The following RGS3 variants were observed in gnomAD, a reference collection of about 807,000 sequenced individuals.
The protein encoded by RGS3 is regulator of G protein signaling 3.
RGS3 carries 80 observed loss-of-function variants against 132.6 expected under a neutral mutation model. The ratio of observed to expected loss-of-function variants is 0.60; its 90% CI spans 0.50 to 0.73. The LOEUF is 0.73. Among genes scored for constraint, RGS3 ranks in the 30% least tolerant of loss-of-function variants. The probability of loss-of-function intolerance (pLI) is 0.00; values close to 1 mark genes in which losing one functional copy is unlikely to be tolerated. For missense variants in RGS3, 1,382 were observed against 1,530.8 expected, an observed-to-expected ratio of 0.90 and a Z score of 1.62; for synonymous variants, 598 against 620.6, an observed-to-expected ratio of 0.96 and a Z score of 0.54.
chr9:113,576,553 A>G (rs575918239), intron 19 of RGS3, among the ~76,000 whole-genome samples: 33 of 152,174 alleles, frequency 2.2e-4, no homozygotes, highest in Non-Finnish European at 4.4e-4. Context: ...TATGGTCTCG[A>G]TCTCCTGACC....
intron 19 of RGS3, among the ~76,000 whole-genome samples, chr9:113,557,265 T>A (rs746774083): frequency 2.0e-5 from 3 of 152,238 alleles, no homozygotes; most frequent in Admixed American, 6.5e-5. Context: ...TCTTCATTTC[T>A]TGGTTCTATT....
intron 14 of RGS3, among the ~76,000 whole-genome samples, 162 bp from the exon 13 acceptor site, chr9:113,514,296 G>A (rs1831542333): frequency 6.6e-6 from 1 of 152,176 alleles, no homozygotes; most frequent in Admixed American, 6.5e-5. Context: ...GAGCCCATGT[G>A]AAGCCTCCCT....
At chr9:113,556,134 T>C (rs954987021) in intron 19 of RGS3, among the ~76,000 whole-genome samples, 3 of 152,186 alleles carry the variant, frequency 2.0e-5, no homozygotes, top group Non-Finnish European at 4.4e-5. Flanking sequence ...ATTTAGTGTT[T>C]TAAGAGCAGT....
intron 3 of RGS3, among the ~76,000 whole-genome samples, chr9:113,468,072 C>T (rs1345187142): frequency 6.6e-6 from 1 of 152,180 alleles, no homozygotes; most frequent in Non-Finnish European, 1.5e-5. Flanking sequence ...TTTACTTTAT[C>T]TTTTGTTACT....
intron 19 of RGS3, among the ~76,000 whole-genome samples, chr9:113,543,801 A>G (rs1258537506): frequency 6.6e-6 from 1 of 152,186 alleles, no homozygotes; most frequent in African/African-American, 2.4e-5. Flanking sequence ...TGTCCTGACA[A>G]GCTGCTGAGT....
chr9:113,567,315 T>C (rs1039467746), intron 19 of RGS3, among the ~76,000 whole-genome samples: 3 of 151,390 alleles, frequency 2.0e-5, no homozygotes, highest in Admixed American at 2.0e-4. Context: ...GTCTGTCCAT[T>C]GGTGGTGGCA....
intron 19 of RGS3, among the ~76,000 whole-genome samples, chr9:113,563,318 G>A (rs1833867315): frequency 6.6e-6 from 1 of 152,144 alleles, no homozygotes; most frequent in Non-Finnish European, 1.5e-5. Flanking sequence ...TTGGTTCTCT[G>A]CCAATCCCCA....
chr9:113,505,903 T>C (rs539034603), intron 11 of RGS3, among the ~76,000 whole-genome samples: 2 of 152,312 alleles, frequency 1.3e-5, no homozygotes, highest in African/African-American at 4.8e-5. Context: ...CCTTCCCTAC[T>C]TTTCACAAAT....
chr9:113,466,269 G>C (rs1313704329), intron 3 of RGS3, among the ~76,000 whole-genome samples: 1 of 152,218 alleles, frequency 6.6e-6, no homozygotes, highest in Non-Finnish European at 1.5e-5. Context: ...TAGCAAAGTA[G>C]GTAGCCCCTG....
chr9:113,455,283 T>C (rs549136370), upstream of RGS3, among the ~76,000 whole-genome samples: 147 of 152,356 alleles, frequency 9.6e-4, no homozygotes, highest in Middle Eastern at 3.4e-3. Context: ...GTTCCTGTTA[T>C]TCCATCTTGG....
chr9:113,463,659 GCCGGGCGCGCCCTGGCCGTTC>G lies in RGS3; in HGVS notation c.415+1460_415+1480del. On this transcript the variant is annotated intron_variant, in intron 3 of 24. Coordinates refer to ENST00000350696, the Ensembl canonical transcript of RGS3. This position sits in a 1 kb window ranked among gnomAD's most constrained non-coding sequence, Gnocchi z 4.6. ...TTCAAACCCGCGCGGGCCAATCAGGGCCGGGCGCGCCCTGGCCGTTCCAACGCTTGGGGCAGCCCTACCTCC... is the reference window on the plus strand; with the variant it reads ...TTCAAACCCGCGCGGGCCAATCAGGGCAACGCTTGGGGCAGCCCTACCTCC... 7.2e-7 allele frequency: 1 copy of G among 1,385,806 alleles called. No homozygotes were observed. 85.8% of individuals were successfully genotyped at this position (1,385,806 alleles called of 1,614,324 possible).
intron 7 of RGS3, among the ~76,000 whole-genome samples, chr9:113,491,499 C>A (rs1830522014): frequency 6.6e-6 from 1 of 151,870 alleles, no homozygotes; most frequent in South Asian, 2.1e-4. Context: ...GATCCACCCG[C>A]CTTGGCCTCC....
intron 17 of RGS3, among the ~76,000 whole-genome samples, chr9:113,528,386 C>T (rs1190725397): frequency 6.6e-6 from 1 of 152,190 alleles, no homozygotes; most frequent in Non-Finnish European, 1.5e-5. Context: ...CTTCTCTGCA[C>T]TTGCTCTTCC....
At chr9:113,474,173 G>A (rs576669357) in intron 3 of RGS3, among the ~76,000 whole-genome samples, 46 of 152,244 alleles carry the variant, frequency 3.0e-4, no homozygotes, top group Admixed American at 2.3e-3. Context: ...TTTCTGTAAG[G>A]AAAAAGAGCT....
intron 1 of RGS3, among the ~76,000 whole-genome samples, chr9:113,447,086 C>G (rs1186423248): frequency 6.6e-6 from 1 of 150,978 alleles, no homozygotes; most frequent in Non-Finnish European, 1.5e-5. Flanking sequence ...ACAGTGAAAC[C>G]CTGTCTCTAC....
chr9:113,594,784 T>G, intron 22 of RGS3, 135 bp from the exon 21 acceptor site: 1 of 838,064 alleles, frequency 1.2e-6, no homozygotes, highest in East Asian at 2.6e-5. Context: ...AGGGTGGGCC[T>G]CCTTCCTGGG....
At position 113,567,246 on chromosome 9, in the gene RGS3, C is replaced by A. The variant is rs1333239114; in HGVS notation, c.2038-16204C>A. On this transcript the variant is annotated intron_variant, in intron 19 of 24. Coordinates refer to ENST00000350696, the Ensembl canonical transcript of RGS3. ...TCCCCTCCCCTCCCCTCCCCTCCCC[C>A]TCCATGTCTTATTTTATCCAAACTT... Among the ~76,000 whole-genome samples the A allele has an allele frequency of 5.9e-5, 9 of 152,060 alleles. No individual in the cohort carries two copies. The East Asian group carries it at 1.7e-3, about 29-fold the overall frequency.
intron 19 of RGS3, among the ~76,000 whole-genome samples, chr9:113,572,494 C>T (rs1298616310): frequency 1.3e-5 from 2 of 152,054 alleles, no homozygotes; most frequent in African/African-American, 2.4e-5. Context: ...CTCCAGTGTC[C>T]TCGAGTGAAA....
At chr9:113,540,861 TG>T (rs1301167985) in intron 19 of RGS3, among the ~76,000 whole-genome samples, 2 of 152,214 alleles carry the variant, frequency 1.3e-5, no homozygotes, top group Non-Finnish European at 2.9e-5. Context: ...GTAAAGTGGA[TG>T]GATTAAGAGG....
Sources: gnomAD v4.1 joint callset for allele counts (sites outside exome capture counted in the v4.1 genomes callset) on GRCh38, gnomAD v4.1.1 for gene constraint, Gnocchi (gnomAD v3.1) non-coding constraint, MANE v1.5 for transcripts, NCBI Gene and HGNC (gene_info 2026-07-23, HGNC 2026-07-21) for gene names.